Variants in C7 observed in about 807,000 individuals in gnomAD.
The protein encoded by C7 is complement C7, also known as complement component C7.
A neutral mutation model predicts 104.8 loss-of-function variants in C7; 83 were observed. The ratio of observed to expected loss-of-function variants is 0.79; its 90% CI spans 0.66 to 0.95. The LOEUF (loss-of-function observed/expected upper bound fraction) is 0.95. Ranked by LOEUF, C7 falls within the 40% of genes least tolerant of loss-of-function variation. The pLI is 0.00. For missense variants in C7, 1,070 were observed against 1,011.2 expected, an observed-to-expected ratio of 1.06 and a Z score of -0.79; for synonymous variants, 415 against 360.6, an observed-to-expected ratio of 1.15 and a Z score of -1.71.
intron 6 of C7, 76 bp downstream of exon 6, chr5:40,937,766 T>C (rs1739848217): frequency 1.6e-6 from 2 of 1,235,742 alleles, no homozygotes; most frequent in South Asian, 3.5e-5. Flanking sequence ...TTTTACGTAT[T>C]TGTTGAGAAT....
chr5:40,964,536 T>A, intron 13 of C7: 1 of 473,500 alleles, frequency 2.1e-6, no homozygotes, highest in Non-Finnish European at 3.9e-6. Context: ...TTATAGACAG[T>A]GGTATTAATA....
At chr5:40,925,892 C>T (rs530367923) in intron 1 of C7, among the ~76,000 whole-genome samples, 2 of 152,264 alleles carry the variant, frequency 1.3e-5, no homozygotes, top group East Asian at 1.9e-4. Context: ...GGAGGGAATA[C>T]TTTCAAATTC....
At chr5:40,946,891 C>T (rs1447669685) in intron 7 of C7, among the ~76,000 whole-genome samples, 3 of 151,716 alleles carry the variant, frequency 2.0e-5, no homozygotes, top group African/African-American at 7.3e-5. Flanking sequence ...AACCCTACCT[C>T]TACTAAAAAT....
intron 13 of C7, among the ~76,000 whole-genome samples, chr5:40,964,174 C>G (rs1000891820): frequency 1.1e-4 from 16 of 151,480 alleles, no homozygotes; most frequent in Middle Eastern, 3.4e-3. Context: ...TCCTGAGTAG[C>G]TGGGACTACA....
rs1741001096 is a variant in C7 at position 40,983,643 on chromosome 5, TAGGATTGTCGC to T, written c.*2073_*2083del. 6.6e-6 allele frequency among the ~76,000 whole-genome samples: 1 copy of T among 152,086 alleles called. No homozygotes were observed. Among genetic ancestry groups the T allele is most frequent in the African/African-American group, 2.4e-5 (1 of 41,394 alleles). On this transcript the variant is annotated 3_prime_UTR_variant, in exon 18 of 18. Coordinates refer to ENST00000313164, the MANE Select transcript of C7 (RefSeq NM_000587.4). ...GCATTCACAATTGCCTGTGGAGAAT[TAGGATTGTCGC>T]AGCAGGTCAGCAAGGAGAAAGTCAT...
intron 14 of C7, among the ~76,000 whole-genome samples, chr5:40,971,047 C>T (rs551163882): frequency 6.6e-6 from 1 of 152,290 alleles, no homozygotes; most frequent in African/African-American, 2.4e-5. Flanking sequence ...AATAAACATA[C>T]GTGTGCATGT....
At chr5:40,963,149 C>T (rs1353340858) in intron 13 of C7, among the ~76,000 whole-genome samples, 1 of 152,160 alleles carries the variant, frequency 6.6e-6, no homozygotes, top group Non-Finnish European at 1.5e-5. Flanking sequence ...TCCCCAACTG[C>T]AGTGTGTGTG....
At chr5:40,980,795 A>C (rs959570440) in intron 17 of C7, among the ~76,000 whole-genome samples, 1 of 152,156 alleles carries the variant, frequency 6.6e-6, no homozygotes, top group African/African-American at 2.4e-5. Context: ...GATGACATAC[A>C]TATGTGACTC....
At position 40,983,910 on chromosome 5, in the gene C7, A is replaced by T. The variant is rs1231059462; in HGVS notation, c.*2337A>T. On this transcript the variant is annotated 3_prime_UTR_variant, in exon 18 of 18. Transcript: ENST00000313164. ...GCCTTGGAGGAGGCAGAGGGCAGAA[A>T]GCATTGCTGAGATTAGAGTCATTTG... is the stretch of plus-strand genomic sequence containing the variant. 2.0e-5 allele frequency among the ~76,000 whole-genome samples: 3 copies of T among 152,130 alleles called. No homozygotes were observed. Among genetic ancestry groups the T allele is most frequent in the Non-Finnish European group, 2.9e-5 (2 of 68,022 alleles).
intron 12 of C7, among the ~76,000 whole-genome samples, chr5:40,961,022 T>G (rs555805777): frequency 1.5e-3 from 224 of 152,324 alleles, no homozygotes; most frequent in African/African-American, 5.1e-3. Flanking sequence ...ACTCCAAGCC[T>G]TACTTAAACT....
Position 40,955,513 on chromosome 5 carries a change from C to A in C7, c.1220C>A (p.Ala407Glu), listed in dbSNP as rs1437433027. The A allele has an allele frequency of 6.2e-7, 1 of 1,613,332 alleles. No individual in the cohort carries two copies. The highest frequency in any genetic ancestry group is 1.1e-5 in the South Asian group (1 of 90,966). ...AACAAAAGGCGATATTCTGCCTGGG[C>A]AGAATCTGTGACTAATCTTCCTCAA... Reference protein sequence around the residue: ...AGNKRRYSAWAESVTNLPQVI... With the variant: ...AGNKRRYSAWEESVTNLPQVI... The change falls in exon 10 of 18, where the codon GCA (alanine) becomes GAA (glutamate). Residue 407 changes from alanine (A) to glutamate (E), a missense_variant. Ala to Glu is a moderately radical substitution (Grantham distance 107). Transcript: ENST00000313164.
chr5:40,924,518 G>A (rs1196117559), intron 1 of C7, among the ~76,000 whole-genome samples: 1 of 152,222 alleles, frequency 6.6e-6, no homozygotes, highest in Non-Finnish European at 1.5e-5. Flanking sequence ...TAATTCACTA[G>A]GCAGTACTCC....
chr5:40,926,156 A>G (rs1402780678), intron 1 of C7, among the ~76,000 whole-genome samples: 2 of 152,244 alleles, frequency 1.3e-5, no homozygotes, highest in Non-Finnish European at 2.9e-5. Flanking sequence ...AATGACAAAA[A>G]CTATATGATC....
At chr5:40,925,565 A>G (rs1384946397) in intron 1 of C7, among the ~76,000 whole-genome samples, 2 of 152,192 alleles carry the variant, frequency 1.3e-5, no homozygotes, top group Non-Finnish European at 2.9e-5. Context: ...ACTGTTAGGT[A>G]TCTTTATAGC....
intron 13 of C7, 89 bp from the exon 14 acceptor site, chr5:40,964,652 T>G: frequency 8.6e-7 from 1 of 1,164,782 alleles, no homozygotes; most frequent in Non-Finnish European, 1.2e-6. Context: ...CTGATGATTA[T>G]GATTTATAGA....
intron 1 of C7, 109 bp from the exon 2 acceptor site, chr5:40,928,470 AT>A (rs1243342450): frequency 1.9e-5 from 12 of 640,556 alleles, no homozygotes; most frequent in Non-Finnish European, 3.0e-5. Context: ...GTATTGAGAA[AT>A]AATAACATCA....
intron 7 of C7, among the ~76,000 whole-genome samples, chr5:40,947,123 T>C (rs1477011430): frequency 6.8e-6 from 1 of 147,512 alleles, no homozygotes; most frequent in Non-Finnish European, 1.5e-5. Flanking sequence ...TTTTTGATAT[T>C]GGGTCTCACT....
chr5:40,941,995 G>T (rs543501815), intron 6 of C7, among the ~76,000 whole-genome samples: 1 of 152,282 alleles, frequency 6.6e-6, no homozygotes, highest in African/African-American at 2.4e-5. Flanking sequence ...GAGAAAAAAA[G>T]AAAACTAGAA....
chr5:40,925,103 G>T (rs1739524726), intron 1 of C7, among the ~76,000 whole-genome samples: 1 of 152,186 alleles, frequency 6.6e-6, no homozygotes, highest in African/African-American at 2.4e-5. Context: ...CCAGGCTGCA[G>T]ATTTTTCAAA....
Sources: allele counts gnomAD v4.1 joint callset (sites outside exome capture counted in the v4.1 genomes callset), GRCh38; gene constraint gnomAD v4.1.1; transcripts MANE v1.5; gene names NCBI Gene and HGNC (gene_info 2026-07-23, HGNC 2026-07-21).